RUNX1: variants seen among roughly 807,000 people sequenced by gnomAD.
RUNX1 encodes the protein runt-related transcription factor 1.
A neutral mutation model predicts 42.8 loss-of-function variants in RUNX1; 19 were observed. That is an observed-to-expected ratio of 0.44 (90% CI 0.31 to 0.65). The LOEUF (loss-of-function observed/expected upper bound fraction) is 0.65. Among genes scored for constraint, RUNX1 ranks in the 30% least tolerant of loss-of-function variants. The pLI, the probability that RUNX1 is intolerant of heterozygous loss-of-function variation, is 0.07. For synonymous variants in RUNX1, 271 were observed against 289.4 expected (o/e 0.94, Z 0.64); for missense variants, 528 against 672.0 (o/e 0.79, Z 2.37).
intron 5 of RUNX1, among the ~76,000 whole-genome samples, chr21:34,860,075 G>T (rs568614968): frequency 6.6e-6 from 1 of 152,312 alleles, no homozygotes; most frequent in South Asian, 2.1e-4. Flanking sequence ...ATTTTTAAAA[G>T]ACGAAGTCTG....
At chr21:34,974,657 G>A (rs977567800) in intron 2 of RUNX1, among the ~76,000 whole-genome samples, 3 of 152,182 alleles carry the variant, frequency 2.0e-5, no homozygotes, top group African/African-American at 7.2e-5. Flanking sequence ...GCCAACTCCT[G>A]CTCCTGCTCT....
chr21:34,919,421 G>A (rs1388037077), intron 2 of RUNX1, among the ~76,000 whole-genome samples: 2 of 152,138 alleles, frequency 1.3e-5, no homozygotes, highest in Non-Finnish European at 1.5e-5. Context: ...GACCCATCCC[G>A]TGTTTTTGAC....
chr21:35,048,992 C>T, intron 1 of RUNX1, 34 bp from the exon 2 acceptor site: 2 of 1,020,212 alleles, frequency 2.0e-6, no homozygotes, highest in Non-Finnish European at 3.1e-6. Flanking sequence ...GTCACTGTTT[C>T]AGCCTCACCC....
rs1168253908 is a variant in RUNX1 at position 34,792,236 on chromosome 21, T to A, written c.1342A>T (p.Asn448Tyr). Residue 448 changes from asparagine (N) to tyrosine (Y), a missense_variant, in exon 9 of 9, where the codon AAC becomes TAC. Physicochemically the swap from Asn to Tyr is moderately radical, Grantham distance 143 (BLOSUM62 -2). Coordinates refer to ENST00000675419, the MANE Select transcript of RUNX1 (RefSeq NM_001754.5). This position sits in a 1 kb window ranked among gnomAD's most constrained non-coding sequence, Gnocchi z 6.9. Reference protein sequence around the residue: ...GSALLNPSLPNQSDVVEAEGS... With the variant: ...GSALLNPSLPYQSDVVEAEGS... ...TCGGCCTCCACCACGTCGCTCTGGT[T>A]CGGGAGGCTGGGGTTGAGCAGCGCG... The A allele has an allele frequency of 6.5e-7, 1 of 1,540,018 alleles. No individual in the cohort carries two copies. The highest frequency in any genetic ancestry group is 1.9e-5 in the Admixed American group (1 of 51,604).
intron 5 of RUNX1, among the ~76,000 whole-genome samples, chr21:34,877,848 C>T (rs567333915): frequency 1.3e-3 from 192 of 152,316 alleles, no homozygotes; most frequent in African/African-American, 4.3e-3. Flanking sequence ...AAGAGAACTT[C>T]TTTCTCTACC....
intron 2 of RUNX1, among the ~76,000 whole-genome samples, chr21:34,978,947 C>CACACACAT (rs1360116950): frequency 6.7e-6 from 1 of 149,462 alleles, no homozygotes; most frequent in African/African-American, 2.5e-5. Flanking sequence ...TACACACACA[C>CACACACAT]ACACACACAC....
At chr21:35,010,090 G>A (rs1018052870) in intron 2 of RUNX1, among the ~76,000 whole-genome samples, 6 of 152,128 alleles carry the variant, frequency 3.9e-5, no homozygotes, top group Admixed American at 6.5e-5. Context: ...GAGAAAGCAC[G>A]ACGTCTGTGA....
chr21:34,797,124 C>G (rs923460775), intron 8 of RUNX1, among the ~76,000 whole-genome samples: 19 of 152,246 alleles, frequency 1.2e-4, no homozygotes, highest in Admixed American at 1.2e-3. Flanking sequence ...CTTGATTTCT[C>G]AGAGGGAGTT....
chr21:34,834,347 G>T (rs769236714), intron 7 of RUNX1, 63 bp downstream of exon 7: 65 of 1,534,786 alleles, frequency 4.2e-5, no homozygotes, highest in Non-Finnish European at 5.5e-5. Flanking sequence ...GCACATGGGG[G>T]CCAGTTGTGG....
chr21:34,793,465 T>C (rs921102469), intron 8 of RUNX1, among the ~76,000 whole-genome samples: 2 of 152,172 alleles, frequency 1.3e-5, no homozygotes, highest in African/African-American at 2.4e-5. Context: ...CTGGCATTTT[T>C]GCATGTCCCA....
At chr21:34,827,702 C>A (rs917573892) in intron 7 of RUNX1, among the ~76,000 whole-genome samples, 47 of 152,190 alleles carry the variant, frequency 3.1e-4, no homozygotes, top group African/African-American at 1.1e-3. Flanking sequence ...ACCTTGGCCA[C>A]CCCAGCTGTG....
intron 2 of RUNX1, among the ~76,000 whole-genome samples, chr21:34,975,224 G>A (rs1302828646): frequency 2.0e-5 from 3 of 152,324 alleles, no homozygotes; most frequent in African/African-American, 7.2e-5. Flanking sequence ...AAATCAGACC[G>A]AAGTTCTGCC....
intron 2 of RUNX1, among the ~76,000 whole-genome samples, chr21:34,969,201 T>C (rs2058742270): frequency 6.6e-6 from 1 of 152,120 alleles, no homozygotes; most frequent in Admixed American, 6.5e-5. Context: ...TTTCTCAACA[T>C]GTAAACCTGC....
At chr21:35,040,825 G>A (rs1413365356) in intron 2 of RUNX1, among the ~76,000 whole-genome samples, 1 of 149,520 alleles carries the variant, frequency 6.7e-6, no homozygotes, top group African/African-American at 2.5e-5. Context: ...ACAATGGAAT[G>A]TGACTATGGA....
At chr21:34,918,709 AC>A (rs1470647623) in intron 2 of RUNX1, among the ~76,000 whole-genome samples, 2 of 152,210 alleles carry the variant, frequency 1.3e-5, no homozygotes, top group African/African-American at 4.8e-5. Context: ...AGAGATCGAG[AC>A]CATCCTGGCC....
At chr21:34,798,409 C>T (rs1167344752) in intron 8 of RUNX1, among the ~76,000 whole-genome samples, 1 of 152,222 alleles carries the variant, frequency 6.6e-6, no homozygotes, top group South Asian at 2.1e-4. Flanking sequence ...CCAAAGGGCT[C>T]ATAGGTTAAA....
chr21:34,948,827 C>A (rs1044060305), intron 2 of RUNX1, among the ~76,000 whole-genome samples: 1 of 152,082 alleles, frequency 6.6e-6, no homozygotes, highest in African/African-American at 2.4e-5. Flanking sequence ...CTCATTGCAA[C>A]CTCCGCCTCC....
At chr21:34,918,750 A>T (rs1039482085) in intron 2 of RUNX1, among the ~76,000 whole-genome samples, 1 of 152,202 alleles carries the variant, frequency 6.6e-6, no homozygotes, top group African/African-American at 2.4e-5. Context: ...TCTATTAAAA[A>T]TACAAAAATT....
chr21:34,864,030 C>A (rs1395198085), intron 5 of RUNX1, among the ~76,000 whole-genome samples: 1 of 152,220 alleles, frequency 6.6e-6, no homozygotes. Context: ...CTGCCTTACA[C>A]GTCCTTTGTA....
Sources: allele counts gnomAD v4.1 joint callset (sites outside exome capture counted in the v4.1 genomes callset), GRCh38; gene constraint gnomAD v4.1.1; non-coding constraint Gnocchi (gnomAD v3.1); transcripts MANE v1.5; gene names NCBI Gene and HGNC (gene_info 2026-07-23, HGNC 2026-07-21).